DHRSX: variants seen among roughly 807,000 people sequenced by gnomAD.
DHRSX encodes dehydrogenase/reductase X-linked, also known as polyprenol dehydrogenase.
In DHRSX, 31 loss-of-function variants were observed where a neutral mutation model predicts 34.0. That is an observed-to-expected ratio of 0.91 (90% CI 0.69 to 1.23). The LOEUF is 1.23. Ranked by LOEUF, DHRSX falls within the 50% of genes most tolerant of loss-of-function variation. The pLI, the probability that DHRSX is intolerant of heterozygous loss-of-function variation, is 0.00. For missense variants in DHRSX, 414 were observed against 428.1 expected, an observed-to-expected ratio of 0.97 and a Z score of 0.29; for synonymous variants, 201 against 183.8, an observed-to-expected ratio of 1.09 and a Z score of -0.76.
intron 1 of DHRSX, 59 bp downstream of exon 1, chrX:2,500,756 CCG>C: frequency 1.1e-6 from 1 of 883,706 alleles, no homozygotes; most frequent in Non-Finnish European, 1.4e-6. Context: ...GCCCCCGCCC[CCG>C]AGCCAGCCCG....
intron 3 of DHRSX, among the ~76,000 whole-genome samples, chrX:2,324,461 C>A (rs1569488795): frequency 6.6e-6 from 1 of 152,168 alleles, no homozygotes; most frequent in Non-Finnish European, 1.5e-5. Flanking sequence ...AAACCTCTTT[C>A]CAACGTTGCC....
intron 1 of DHRSX, among the ~76,000 whole-genome samples, chrX:2,432,449 T>C (rs113950594): frequency 0.089 from 13,609 of 152,082 alleles, 912 homozygotes; most frequent in African/African-American, 0.19. Flanking sequence ...GAGAACACAA[T>C]GGCCCTGTAG....
intron 3 of DHRSX, among the ~76,000 whole-genome samples, chrX:2,389,584 T>C (rs28506481): frequency 6.6e-6 from 1 of 151,896 alleles, no homozygotes; most frequent in African/African-American, 2.4e-5. Flanking sequence ...ATGGGTACTT[T>C]TATCCACTCA....
At chrX:2,378,526 A>G in intron 3 of DHRSX, among the ~76,000 whole-genome samples, 1 of 152,034 alleles carries the variant, frequency 6.6e-6, no homozygotes, top group South Asian at 2.1e-4. Flanking sequence ...AACAGTAAAG[A>G]TATTTTCTCA....
chrX:2,422,526 G>T (rs1395292202), intron 2 of DHRSX, among the ~76,000 whole-genome samples: 1 of 152,184 alleles, frequency 6.6e-6, no homozygotes, highest in Admixed American at 6.5e-5. Flanking sequence ...TTCCTAAAGT[G>T]CTGGGATTAC....
chrX:2,272,773 A>G (rs1485259741), intron 4 of DHRSX, among the ~76,000 whole-genome samples: 3 of 152,146 alleles, frequency 2.0e-5, no homozygotes, highest in Non-Finnish European at 4.4e-5. Context: ...GCCTTCAGAT[A>G]AAGTCAGCCC....
At chrX:2,224,814 TCA>T (rs2015603989) in intron 6 of DHRSX, among the ~76,000 whole-genome samples, 1 of 149,800 alleles carries the variant, frequency 6.7e-6, no homozygotes, top group African/African-American at 2.5e-5. Context: ...GTACACAAAC[TCA>T]CATGAACACA....
At chrX:2,265,479 TCC>T (rs2041441396) in intron 5 of DHRSX, among the ~76,000 whole-genome samples, 2 of 92,920 alleles carry the variant, frequency 2.2e-5, no homozygotes, top group African/African-American at 4.3e-5. Flanking sequence ...AGCACCAGTG[TCC>T]AGCAGAAGCA....
At chrX:2,245,059 A>C (rs1350891811) in intron 5 of DHRSX, among the ~76,000 whole-genome samples, 1 of 152,078 alleles carries the variant, frequency 6.6e-6, no homozygotes, top group Non-Finnish European at 1.5e-5. Flanking sequence ...GGAAGCTGTG[A>C]ACAGAAAATA....
chrX:2,386,306 C>T (rs1348864273), intron 3 of DHRSX, among the ~76,000 whole-genome samples: 1 of 152,072 alleles, frequency 6.6e-6, no homozygotes, highest in Admixed American at 6.6e-5. Flanking sequence ...ACAACCTCCA[C>T]CTCCCAGGTT....
chrX:2,420,910 A>G (rs918554421), intron 2 of DHRSX, among the ~76,000 whole-genome samples: 5 of 152,166 alleles, frequency 3.3e-5, no homozygotes, highest in African/African-American at 9.7e-5. Flanking sequence ...AGATTTCATT[A>G]TATTCTACTC....
intron 1 of DHRSX, among the ~76,000 whole-genome samples, chrX:2,476,871 G>A (rs1026463582): frequency 1.3e-5 from 2 of 151,886 alleles, no homozygotes; most frequent in African/African-American, 2.4e-5. Flanking sequence ...GTGTGGTAGT[G>A]CATGCCTGTA....
rs1465553082 is a variant in DHRSX, at chrX:2,418,433, C to A, written c.217+6764G>T. Among the ~76,000 whole-genome samples the A allele has an allele frequency of 8.5e-5, 13 of 152,260 alleles. 1 individual carries two copies. Among genetic ancestry groups the A allele is most frequent in the Admixed American group, 6.5e-5 (1 of 15,280 alleles). On this transcript the variant is annotated intron_variant, in intron 2 of 6. Coordinates refer to ENST00000334651, the MANE Select transcript of DHRSX (RefSeq NM_145177.3). ...CTTCATCATGACCTGCCCAACTAGA[C>A]CTCATCATGACCTAAACCACCACAA...
chrX:2,468,403 C>G (rs1245542951), intron 1 of DHRSX, among the ~76,000 whole-genome samples: 1 of 150,656 alleles, frequency 6.6e-6, no homozygotes, highest in East Asian at 2.0e-4. Context: ...GGGATGGTCG[C>G]TGACAGAGGA....
chrX:2,303,819 G>A (rs1277632497), intron 3 of DHRSX, among the ~76,000 whole-genome samples: 2 of 140,244 alleles, frequency 1.4e-5, no homozygotes, highest in South Asian at 2.5e-4. Context: ...ATGGGTGGGT[G>A]GATGGGTGGG....
chrX:2,339,623 A>G (rs1243235846), intron 3 of DHRSX, among the ~76,000 whole-genome samples: 1 of 152,088 alleles, frequency 6.6e-6, no homozygotes, highest in African/African-American at 2.4e-5. Flanking sequence ...TCCACGTATC[A>G]GTGACAACAG....
At chrX:2,440,834 G>C (rs752577442) in intron 1 of DHRSX, among the ~76,000 whole-genome samples, 84 of 152,194 alleles carry the variant, frequency 5.5e-4, no homozygotes, top group Middle Eastern at 6.8e-3. Flanking sequence ...CCTTGTGATC[G>C]TGTGAGTCAA....
At chrX:2,310,540 G>GTA (rs978359703) in intron 3 of DHRSX, among the ~76,000 whole-genome samples, 4 of 150,548 alleles carry the variant, frequency 2.7e-5, no homozygotes, top group South Asian at 4.2e-4. Context: ...GTGTGTGTGT[G>GTA]TATATGTGTG....
chrX:2,438,835 C>T (rs1242892423), intron 1 of DHRSX, among the ~76,000 whole-genome samples: 4 of 151,860 alleles, frequency 2.6e-5, no homozygotes, highest in Admixed American at 2.0e-4. Flanking sequence ...GTAAGATTGA[C>T]AGCAAAGCAT....
Sources: allele counts gnomAD v4.1 joint callset (sites outside exome capture counted in the v4.1 genomes callset), GRCh38; gene constraint gnomAD v4.1.1; transcripts MANE v1.5; gene names NCBI Gene and HGNC (gene_info 2026-07-23, HGNC 2026-07-21).